Variants in CSMD2 observed in about 807,000 individuals in gnomAD.
CSMD2 encodes the protein CUB and Sushi multiple domains 2, also known as CUB and sushi domain-containing protein 2.
A neutral mutation model predicts 398.5 loss-of-function variants in CSMD2; 130 were observed. The observed-to-expected ratio is 0.33, with a 90% confidence interval of 0.28 to 0.38. The LOEUF is 0.38. Among genes scored for constraint, CSMD2 ranks in the 10% least tolerant of loss-of-function variants. CSMD2 has a pLI of 1.00. For missense variants in CSMD2, 3,829 were observed against 4,764.9 expected, an observed-to-expected ratio of 0.80 and a Z score of 5.78; for synonymous variants, 1,828 against 1,908.5, an observed-to-expected ratio of 0.96 and a Z score of 1.10.
At chr1:33,904,468 G>A (rs887274165) in intron 5 of CSMD2, among the ~76,000 whole-genome samples, 8 of 152,182 alleles carry the variant, frequency 5.3e-5, no homozygotes, top group African/African-American at 1.9e-4. Context: ...CCATCTCCTT[G>A]TCGCTACTGT....
At chr1:33,809,862 G>A (rs1210586480) in intron 10 of CSMD2, among the ~76,000 whole-genome samples, 2 of 151,950 alleles carry the variant, frequency 1.3e-5, no homozygotes, top group Non-Finnish European at 2.9e-5. Flanking sequence ...CTAAACACCA[G>A]CAAGAAACAA....
At chr1:33,637,150 C>T (rs1319870356) in intron 29 of CSMD2, among the ~76,000 whole-genome samples, 1 of 152,180 alleles carries the variant, frequency 6.6e-6, no homozygotes, top group African/African-American at 2.4e-5. Context: ...CAGTCATACC[C>T]ATCTGTTGCA....
At chr1:33,627,893 A>G (rs1328586732) in intron 32 of CSMD2, among the ~76,000 whole-genome samples, 9 of 152,210 alleles carry the variant, frequency 5.9e-5, no homozygotes, top group Admixed American at 5.9e-4. Context: ...CTCTCACAGA[A>G]CCCATGTCAA....
chr1:33,646,850 C>T lies in CSMD2; in HGVS notation c.4587-15G>A. 1 of 1,599,260 alleles carries T rather than the reference C, an allele frequency of 6.3e-7. No individual in the cohort carries two copies. The highest frequency in any genetic ancestry group is 8.5e-7 in the Non-Finnish European group (1 of 1,172,028). ...CCAGGTTAAAGCTGGGGAACAAAAA[C>T]ATCCCACCCCCACCCCACTAAGGTC... On this transcript the variant is annotated splice_polypyrimidine_tract_variant and intron_variant, in intron 28 of 70. Coordinates refer to ENST00000373381, the MANE Select transcript of CSMD2 (RefSeq NM_001281956.2).
At chr1:33,940,446 C>G (rs577998591) in intron 3 of CSMD2, among the ~76,000 whole-genome samples, 1 of 152,112 alleles carries the variant, frequency 6.6e-6, no homozygotes, top group African/African-American at 2.4e-5. Context: ...CCCCTGAGTG[C>G]CTAGTACGTT....
At chr1:33,661,764 C>A (rs1366061104) in intron 26 of CSMD2, among the ~76,000 whole-genome samples, 1 of 152,102 alleles carries the variant, frequency 6.6e-6, no homozygotes, top group Non-Finnish European at 1.5e-5. Context: ...ACAGACGTAG[C>A]AGAAAAGAGC....
chr1:33,872,785 T>A (rs1640565722), intron 5 of CSMD2, among the ~76,000 whole-genome samples: 1 of 152,082 alleles, frequency 6.6e-6, no homozygotes, highest in African/African-American at 2.4e-5. Context: ...AGAAAACAAG[T>A]CAGCTTTAAA....
chr1:33,820,564 G>GAAA lies in CSMD2; in HGVS notation c.1112-9_1112-8insTTT. Reference sequence around the variant, plus strand: ...ACACACCAACCTGAGTTACTACAAGGCAAAAAAAAAAAAAAAAAAAAAAAC... The same window carrying GAAA: ...ACACACCAACCTGAGTTACTACAAGGAAACAAAAAAAAAAAAAAAAAAAAAAAC... On this transcript the variant is annotated splice_polypyrimidine_tract_variant and intron_variant, in intron 7 of 70. Coordinates refer to ENST00000373381, the MANE Select transcript of CSMD2 (RefSeq NM_001281956.2). The GAAA allele has an allele frequency of 5.0e-5, 24 of 479,356 alleles. No individual in the cohort carries two copies. The highest frequency in any genetic ancestry group is 2.8e-4 in the East Asian group (6 of 21,278). 29.7% of individuals were successfully genotyped at this position (479,356 alleles called of 1,614,324 possible).
chr1:33,799,282 T>C (rs1655316442), intron 10 of CSMD2, among the ~76,000 whole-genome samples: 1 of 152,224 alleles, frequency 6.6e-6, no homozygotes, highest in Non-Finnish European at 1.5e-5. Flanking sequence ...ATTTATGGTC[T>C]AGCTCTTTAC....
rs530154163 is a variant in CSMD2 at position 33,743,477 on chromosome 1, G to T, written c.1976C>A (p.Ala659Asp). 2 of 1,614,162 alleles carry T rather than the reference G, an allele frequency of 1.2e-6. No individual in the cohort carries two copies. The highest frequency in any genetic ancestry group is 1.1e-5 in the South Asian group (1 of 91,080). ...LARPESRIHL[A>D]FNDIDVEPQF... ...AGGCTCCACGTCAATGTCGTTGAAG[G>T]CCAGGTGGATGCGGCTCTCAGGCCT... Residue 659 changes from alanine (A) to aspartate (D), a missense_variant, in exon 14 of 71, where the codon GCC becomes GAC. Ala to Asp is a moderately radical substitution (Grantham distance 126). Transcript: ENST00000373381.
At chr1:33,976,373 T>A (rs1183034259) in intron 3 of CSMD2, among the ~76,000 whole-genome samples, 1 of 152,184 alleles carries the variant, frequency 6.6e-6, no homozygotes, top group Non-Finnish European at 1.5e-5. Flanking sequence ...ACCTGGGGAT[T>A]CCCAGCCTAG....
chr1:34,165,374 C>G (rs753199342), upstream of CSMD2: 2 of 1,180,836 alleles, frequency 1.7e-6, no homozygotes, highest in East Asian at 6.9e-5. Context: ...GCTTCTCCGC[C>G]GCTCCAAATG....
intron 5 of CSMD2, among the ~76,000 whole-genome samples, chr1:33,889,013 G>A (rs544897616): frequency 5.0e-4 from 76 of 151,988 alleles, no homozygotes; most frequent in African/African-American, 1.7e-3. Flanking sequence ...CTTGTGATCC[G>A]CCCACCTTAG....
intron 9 of CSMD2, among the ~76,000 whole-genome samples, chr1:33,813,844 C>T (rs1342144962): frequency 6.6e-6 from 1 of 152,168 alleles, no homozygotes; most frequent in African/African-American, 2.4e-5. Flanking sequence ...CCTCTGGAAC[C>T]ACCTCCCACT....
chr1:33,545,997 G>T (rs894253773), intron 57 of CSMD2, 40 bp downstream of exon 57: 1 of 1,573,428 alleles, frequency 6.4e-7, no homozygotes, highest in African/African-American at 1.3e-5. Context: ...GAGCTCTGGG[G>T]CTGGGCAAAG....
intron 1 of CSMD2, among the ~76,000 whole-genome samples, chr1:34,129,371 G>A (rs1663087412): frequency 6.6e-6 from 1 of 152,236 alleles, no homozygotes; most frequent in African/African-American, 2.4e-5. Context: ...CCCATGATAG[G>A]CTGGGCGCAG....
At chr1:34,102,888 T>G (rs1660122510) in intron 1 of CSMD2, among the ~76,000 whole-genome samples, 1 of 152,248 alleles carries the variant, frequency 6.6e-6, no homozygotes, top group Non-Finnish European at 1.5e-5. Context: ...TTAGCACCTC[T>G]GCCATATATT....
At chr1:34,139,359 A>G (rs1639055864) in intron 1 of CSMD2, among the ~76,000 whole-genome samples, 1 of 152,170 alleles carries the variant, frequency 6.6e-6, no homozygotes, top group Non-Finnish European at 1.5e-5. Flanking sequence ...GACTCTGCAG[A>G]GAGTCCCCAC....
intron 13 of CSMD2, among the ~76,000 whole-genome samples, chr1:33,758,618 A>G (rs1649367567): frequency 6.6e-6 from 1 of 152,264 alleles, no homozygotes; most frequent in Non-Finnish European, 1.5e-5. Flanking sequence ...AACAAATAAA[A>G]TAAGCATCAC....
Sources: allele counts gnomAD v4.1 joint callset (sites outside exome capture counted in the v4.1 genomes callset), GRCh38; gene constraint gnomAD v4.1.1; transcripts MANE v1.5; gene names NCBI Gene and HGNC (gene_info 2026-07-23, HGNC 2026-07-21).